ZBTB20: variants seen among roughly 807,000 people sequenced by gnomAD.
ZBTB20 encodes the protein zinc finger and BTB domain containing 20, also known as zinc finger and BTB domain-containing protein 20.
ZBTB20 carries 9 observed loss-of-function variants against 56.9 expected under a neutral mutation model. The ratio of observed to expected loss-of-function variants is 0.16; its 90% confidence interval spans 0.10 to 0.28. The LOEUF is 0.28. Among genes scored for constraint, ZBTB20 ranks in the 10% least tolerant of loss-of-function variants. The probability of loss-of-function intolerance (pLI) is 1.00; values close to 1 mark genes in which losing one functional copy is unlikely to be tolerated. For synonymous variants in ZBTB20, 417 were observed against 420.7 expected, an observed-to-expected ratio of 0.99 and a Z score of 0.11; for missense variants, 655 against 1,003.0, an observed-to-expected ratio of 0.65 and a Z score of 4.69.
At position 114,634,886 on chromosome 3, in the gene ZBTB20, C is replaced by T. The variant is rs921091200; in HGVS notation, c.-295+58642G>A. Among the ~76,000 whole-genome samples, 12 of 152,142 alleles carry T rather than the reference C, an allele frequency of 7.9e-5. No homozygotes were observed. In the East Asian group the frequency reaches 9.6e-4, roughly 12 times the overall value. On this transcript the variant is annotated intron_variant, in intron 6 of 11. Transcript: ENST00000675478. The stretch of plus-strand genomic sequence containing the variant: ...TATATTGCCTCATACTGTGTACTGA[C>T]GCACCTGTAGAACTTCGTTCCCAGG...
intron 6 of ZBTB20, among the ~76,000 whole-genome samples, chr3:114,607,911 A>G (rs1443836611): frequency 1.3e-5 from 2 of 152,206 alleles, no homozygotes; most frequent in Non-Finnish European, 2.9e-5. Context: ...AACATTCGTA[A>G]CAATGTACAG....
At chr3:114,991,739 A>G (rs2078819628) in intron 2 of ZBTB20, among the ~76,000 whole-genome samples, 1 of 152,100 alleles carries the variant, frequency 6.6e-6, no homozygotes, top group Non-Finnish European at 1.5e-5. Flanking sequence ...GTGGGAGTCT[A>G]AGTCTCTTTG....
intron 6 of ZBTB20, among the ~76,000 whole-genome samples, chr3:114,666,959 T>C (rs2061090937): frequency 6.6e-6 from 1 of 151,972 alleles, no homozygotes; most frequent in Non-Finnish European, 1.5e-5. Flanking sequence ...ATTTTAAAAA[T>C]AGATAGAAGG....
At chr3:114,415,759 T>C (rs1431786888) in intron 7 of ZBTB20, among the ~76,000 whole-genome samples, 1 of 152,060 alleles carries the variant, frequency 6.6e-6, no homozygotes, top group Non-Finnish European at 1.5e-5. Flanking sequence ...TCTGAACTCC[T>C]GGGCGAAATA....
chr3:114,982,328 T>A (rs906121610), intron 2 of ZBTB20, among the ~76,000 whole-genome samples: 4 of 152,002 alleles, frequency 2.6e-5, no homozygotes, highest in Non-Finnish European at 5.9e-5. Context: ...TGAAATAACA[T>A]GTCAAAGTAA....
intron 4 of ZBTB20, among the ~76,000 whole-genome samples, chr3:114,857,137 C>T (rs2075289293): frequency 1.3e-5 from 2 of 152,142 alleles, no homozygotes; most frequent in South Asian, 4.1e-4. Flanking sequence ...CCCACTTCTA[C>T]CTCTACTCCT....
chr3:115,137,569 A>T (rs1198739357), intron 1 of ZBTB20, among the ~76,000 whole-genome samples: 1 of 152,092 alleles, frequency 6.6e-6, no homozygotes, highest in Non-Finnish European at 1.5e-5. Flanking sequence ...CAAATCAAGG[A>T]AAAGTTAAAG....
intron 4 of ZBTB20, among the ~76,000 whole-genome samples, chr3:114,832,821 C>T (rs2073926121): frequency 6.6e-6 from 1 of 152,038 alleles, no homozygotes; most frequent in South Asian, 2.1e-4. Flanking sequence ...ATATTTTAGG[C>T]CAAAATTTTG....
At chr3:115,122,137 C>T (rs970130066) in intron 1 of ZBTB20, among the ~76,000 whole-genome samples, 3 of 151,930 alleles carry the variant, frequency 2.0e-5, no homozygotes, top group African/African-American at 4.8e-5. Context: ...TTATCTTGAT[C>T]GAAAAGAAAA....
chr3:115,115,745 T>G (rs2083999567), intron 1 of ZBTB20, among the ~76,000 whole-genome samples: 2 of 152,048 alleles, frequency 1.3e-5, no homozygotes, highest in South Asian at 4.1e-4. Flanking sequence ...TAAATATTAA[T>G]TTAATGATTT....
intron 3 of ZBTB20, among the ~76,000 whole-genome samples, chr3:114,906,552 G>C (rs1354737343): frequency 2.0e-5 from 3 of 149,576 alleles, no homozygotes; most frequent in African/African-American, 7.3e-5. Context: ...AAAATGAGGG[G>C]GATTTTATAT....
chr3:115,055,568 C>CTACT (rs1267082434), intron 2 of ZBTB20, among the ~76,000 whole-genome samples: 6 of 152,034 alleles, frequency 3.9e-5, no homozygotes, highest in Non-Finnish European at 5.9e-5. Flanking sequence ...TCCAGGTTAA[C>CTACT]TACTGAATCT....
At chr3:114,635,971 C>G (rs1440674302) in intron 6 of ZBTB20, among the ~76,000 whole-genome samples, 1 of 152,036 alleles carries the variant, frequency 6.6e-6, no homozygotes, top group Non-Finnish European at 1.5e-5. Flanking sequence ...AAGATCTACA[C>G]CAAGACCCAT....
intron 4 of ZBTB20, among the ~76,000 whole-genome samples, chr3:114,804,490 G>A (rs757191144): frequency 1.3e-5 from 2 of 151,886 alleles, no homozygotes; most frequent in Non-Finnish European, 2.9e-5. Flanking sequence ...GCTTTTGAGA[G>A]TTCACTCATC....
At chr3:114,940,088 T>C (rs1221793066) in intron 3 of ZBTB20, among the ~76,000 whole-genome samples, 1 of 2,852 alleles carries the variant, frequency 3.5e-4, no homozygotes, top group Non-Finnish European at 0.021. Flanking sequence ...CACTAGTGCA[T>C]TCATTTTTTC....
At chr3:115,092,330 G>A (rs1044245481) in intron 1 of ZBTB20, among the ~76,000 whole-genome samples, 9 of 151,952 alleles carry the variant, frequency 5.9e-5, no homozygotes, top group Non-Finnish European at 1.0e-4. Context: ...TGGCACTGTC[G>A]TGCTGACATT....
At chr3:114,490,220 TATTG>T (rs2042583185) in intron 7 of ZBTB20, among the ~76,000 whole-genome samples, 1 of 152,104 alleles carries the variant, frequency 6.6e-6, no homozygotes, top group African/African-American at 2.4e-5. Flanking sequence ...TATATATATT[TATTG>T]ATTGATTGAT....
intron 2 of ZBTB20, among the ~76,000 whole-genome samples, chr3:115,026,525 C>T (rs1303909414): frequency 2.7e-5 from 4 of 150,792 alleles, no homozygotes; most frequent in East Asian, 2.0e-4. Context: ...GTTTCACTTA[C>T]GTATCTACCA....
At chr3:114,393,525 C>G (rs915397651) in intron 7 of ZBTB20, among the ~76,000 whole-genome samples, 2 of 152,118 alleles carry the variant, frequency 1.3e-5, no homozygotes, top group Non-Finnish European at 2.9e-5. Flanking sequence ...ATCTTCTTTC[C>G]CCTTTTGCCT....
Sources: allele counts gnomAD v4.1 joint callset (sites outside exome capture counted in the v4.1 genomes callset), GRCh38; gene constraint gnomAD v4.1.1; transcripts MANE v1.5; gene names NCBI Gene and HGNC (gene_info 2026-07-23, HGNC 2026-07-21).